The following RPS6KA5 variants were observed in gnomAD, a reference collection of about 807,000 sequenced individuals.
RPS6KA5 encodes ribosomal protein S6 kinase A5, also known as ribosomal protein S6 kinase alpha-5.
RPS6KA5 carries 27 observed loss-of-function variants against 85.5 expected under a neutral mutation model. The ratio of observed to expected loss-of-function variants is 0.32; its 90% confidence interval spans 0.23 to 0.44. The LOEUF is 0.44. Ranked by LOEUF, RPS6KA5 falls within the 20% of genes least tolerant of loss-of-function variation. RPS6KA5 has a pLI of 1.00. For missense variants in RPS6KA5, 811 were observed against 980.9 expected (o/e 0.83, Z 2.31); for synonymous variants, 334 against 348.2 (o/e 0.96, Z 0.46).
At chr14:90,879,239 C>T (rs773297448) in intron 14 of RPS6KA5, among the ~76,000 whole-genome samples, 1 of 152,052 alleles carries the variant, frequency 6.6e-6, no homozygotes, top group Non-Finnish European at 1.5e-5. Context: ...CTGCCCTGGG[C>T]AGTCCAGAAC....
intron 1 of RPS6KA5, among the ~76,000 whole-genome samples, chr14:91,005,802 C>G (rs2040992538): frequency 6.6e-6 from 1 of 151,826 alleles, no homozygotes; most frequent in Non-Finnish European, 1.5e-5. Flanking sequence ...AGTATTAGAA[C>G]AAGACTTATA....
At chr14:90,872,356 G>T (rs1450526164) in intron 16 of RPS6KA5, 34 bp from the exon 17 acceptor site, 1 of 1,574,304 alleles carries the variant, frequency 6.4e-7, no homozygotes, top group African/African-American at 1.4e-5. Flanking sequence ...CCCTGTGAAG[G>T]TAAAAGTACT....
chr14:90,908,975 T>C (rs1358585253), intron 7 of RPS6KA5, among the ~76,000 whole-genome samples: 1 of 152,204 alleles, frequency 6.6e-6, no homozygotes, highest in Non-Finnish European at 1.5e-5. Flanking sequence ...GCATAGGTGG[T>C]GGGAAGGTCC....
intron 1 of RPS6KA5, among the ~76,000 whole-genome samples, chr14:91,046,140 T>C (rs1164502797): frequency 6.6e-6 from 1 of 152,070 alleles, no homozygotes; most frequent in Non-Finnish European, 1.5e-5. Flanking sequence ...TAGGGTTAGT[T>C]ATTTAGTGAT....
chr14:90,879,014 G>A (rs1224593772), intron 14 of RPS6KA5, among the ~76,000 whole-genome samples: 1 of 152,202 alleles, frequency 6.6e-6, no homozygotes, highest in African/African-American at 2.4e-5. Context: ...CAGACCTGAA[G>A]TATTCTGGTG....
At chr14:90,900,870 T>C in intron 9 of RPS6KA5, 134 bp from the exon 10 acceptor site, 1 of 712,192 alleles carries the variant, frequency 1.4e-6, no homozygotes, top group Non-Finnish European at 2.2e-6. Flanking sequence ...TTTTATTTTA[T>C]TTGCAATCTA....
intron 3 of RPS6KA5, among the ~76,000 whole-genome samples, chr14:90,976,120 AC>A: frequency 6.6e-6 from 1 of 151,338 alleles, no homozygotes; most frequent in Non-Finnish European, 1.5e-5. Context: ...TTATCTATTT[AC>A]TTCTAAATTT....
chr14:90,917,971 A>G (rs1261449387), intron 7 of RPS6KA5, among the ~76,000 whole-genome samples: 1 of 152,240 alleles, frequency 6.6e-6, no homozygotes, highest in Admixed American at 6.5e-5. Flanking sequence ...GTTTTCAGTT[A>G]TTACAAATGA....
At chr14:91,055,215 T>C (rs932515224) in intron 1 of RPS6KA5, among the ~76,000 whole-genome samples, 1 of 152,234 alleles carries the variant, frequency 6.6e-6, no homozygotes, top group African/African-American at 2.4e-5. Flanking sequence ...GGCAGTTTCT[T>C]ACAAAGGTAA....
Position 90,867,561 on chromosome 14 carries a change from A to T in RPS6KA5, c.*4513T>A, listed in dbSNP as rs1284875472. 2 of 152,138 alleles carry T rather than the reference A, an allele frequency of 1.3e-5. No individual in the cohort carries two copies. The highest frequency in any genetic ancestry group is 2.9e-5 in the Non-Finnish European group (2 of 68,008). The allele number at this position is 152,138 out of a possible 1,614,324, so 9.4% of individuals were successfully genotyped here. A position where few individuals can be genotyped will look rare whatever the true frequency, so the allele number is the denominator to read the frequency against. On this transcript the variant is annotated 3_prime_UTR_variant, in exon 17 of 17. Transcript: ENST00000614987. The stretch of plus-strand genomic sequence containing the variant: ...ATTAATAGTTAGAATACTACTACAA[A>T]ATGTCCTTCTACCTCTCCCACAAGA...
intron 1 of RPS6KA5, among the ~76,000 whole-genome samples, chr14:91,010,822 C>T (rs913478217): frequency 3.3e-5 from 5 of 152,040 alleles, no homozygotes; most frequent in African/African-American, 1.2e-4. Flanking sequence ...AGGGTGGTTC[C>T]TAAGGGAGCA....
chr14:91,023,957 A>G (rs1016036277), intron 1 of RPS6KA5, among the ~76,000 whole-genome samples: 4 of 152,136 alleles, frequency 2.6e-5, no homozygotes, highest in Non-Finnish European at 5.9e-5. Flanking sequence ...TGTATACTCA[A>G]GTCTTCTTTT....
At chr14:91,022,954 G>A (rs1050538164) in intron 1 of RPS6KA5, among the ~76,000 whole-genome samples, 23 of 151,682 alleles carry the variant, frequency 1.5e-4, no homozygotes, top group African/African-American at 4.4e-4. Flanking sequence ...GCATGGTGGC[G>A]CACGCCTGTA....
intron 2 of RPS6KA5, among the ~76,000 whole-genome samples, chr14:90,986,889 C>G (rs1309346455): frequency 6.6e-6 from 1 of 152,190 alleles, no homozygotes; most frequent in Non-Finnish European, 1.5e-5. Flanking sequence ...GTCTCCTGAC[C>G]ACCCTCCTTC....
chr14:90,903,128 A>G (rs2035274724), intron 8 of RPS6KA5, among the ~76,000 whole-genome samples, 159 bp from the exon 9 acceptor site: 1 of 152,190 alleles, frequency 6.6e-6, no homozygotes, highest in Admixed American at 6.5e-5. Context: ...TCTCCAAACA[A>G]GATCACAGCA....
intron 3 of RPS6KA5, among the ~76,000 whole-genome samples, chr14:90,948,938 T>C: frequency 6.6e-6 from 1 of 152,346 alleles, no homozygotes; most frequent in Non-Finnish European, 1.5e-5. Context: ...ACTTTGTCCA[T>C]TTAACTTTAA....
chr14:91,050,046 A>G (rs2043012392), intron 1 of RPS6KA5, among the ~76,000 whole-genome samples: 1 of 152,240 alleles, frequency 6.6e-6, no homozygotes, highest in African/African-American at 2.4e-5. Context: ...TAGTATAAAA[A>G]GGAGAGCTGC....
chr14:90,948,691 T>A (rs1358956087), intron 3 of RPS6KA5, among the ~76,000 whole-genome samples: 1 of 147,498 alleles, frequency 6.8e-6, no homozygotes, highest in East Asian at 2.0e-4. Context: ...TGAGACTCTG[T>A]CTCAAAAAAA....
intron 1 of RPS6KA5, among the ~76,000 whole-genome samples, chr14:91,008,444 T>G (rs922877192): frequency 6.6e-6 from 1 of 152,216 alleles, no homozygotes; most frequent in African/African-American, 2.4e-5. Flanking sequence ...CATGTGAAGC[T>G]GGTTAGAAAA....
Sources: gnomAD v4.1 joint callset for allele counts (sites outside exome capture counted in the v4.1 genomes callset) on GRCh38, gnomAD v4.1.1 for gene constraint, MANE v1.5 for transcripts, NCBI Gene and HGNC (gene_info 2026-07-23, HGNC 2026-07-21) for gene names.